CCDC174: variants seen among roughly 807,000 people sequenced by gnomAD.
CCDC174 encodes the protein coiled-coil domain-containing protein 174.
A neutral mutation model predicts 57.1 loss-of-function variants in CCDC174; 37 were observed. The observed-to-expected ratio is 0.65, with a 90% CI of 0.50 to 0.85. The LOEUF (loss-of-function observed/expected upper bound fraction) is 0.85, where lower values mean the gene tolerates loss of function less well. Ranked by LOEUF, CCDC174 falls within the 40% of genes least tolerant of loss-of-function variation. The pLI, the probability that CCDC174 is intolerant of heterozygous loss-of-function variation, is 0.00. For synonymous variants in CCDC174, 182 were observed against 190.2 expected (o/e 0.96, Z 0.35); for missense variants, 540 against 574.3 (o/e 0.94, Z 0.61).
chr3:14,665,902 G>A (rs1448609491), intron 6 of CCDC174, among the ~76,000 whole-genome samples: 1 of 151,796 alleles, frequency 6.6e-6, no homozygotes, highest in Non-Finnish European at 1.5e-5. Flanking sequence ...GCCAGGTGTG[G>A]TTGCGGCCGC....
rs1435082735 is a variant in CCDC174, at chr3:14,665,364, TG to T, written c.581+242del. On this transcript the variant is annotated intron_variant, in intron 6 of 10. Transcript: ENST00000383794. ...GAGCTGTCTCTTTTACTTGGAAGGA[TG>T]TCTGACAACAGAGTAACAGAATAAA... Among the ~76,000 whole-genome samples, 5 of 152,324 alleles carry T rather than the reference TG, an allele frequency of 3.3e-5. No homozygotes were observed. The East Asian group carries it at 9.6e-4, about 29-fold the overall frequency.
rs138580784 is a variant in CCDC174 at position 14,651,989 on chromosome 3, C to G, written c.42+111C>G. On this transcript the variant is annotated intron_variant, in intron 1 of 10. Coordinates refer to ENST00000383794, the MANE Select transcript of CCDC174 (RefSeq NM_016474.5). ...ACTCGGGGACCCAGAGACCTGACCT[C>G]TCCCCTCAAACAGGAACCCCCGAAC... is the stretch of plus-strand genomic sequence containing the variant. The G allele has an allele frequency of 6.0e-4, 643 of 1,076,318 alleles. 3 individuals are homozygous for G. The African/African-American group carries it at 8.0e-3, about 13-fold the overall frequency. The allele number at this position is 1,076,318 out of a possible 1,614,324, so 66.7% of individuals were successfully genotyped here. A position where few individuals can be genotyped will look rare whatever the true frequency, so the allele number is the denominator to read the frequency against.
chr3:14,658,876 A>T lies in CCDC174; in HGVS notation c.254A>T (p.Lys85Ile). ...EQKTLDKAREKLEEKAKLYEK... is the reference protein window; with the variant it reads ...EQKTLDKAREILEEKAKLYEK... ...TTGTATTTTTTTTCTCCTAGGGAAA[A>T]ATTGGAAGAAAAAGCCAAATTATAT... is the stretch of plus-strand genomic sequence containing the variant. The change falls in exon 4 of 11, where the codon AAA becomes ATA. Residue 85 changes from lysine (K) to isoleucine (I), a missense_variant. Lys to Ile is a moderately radical substitution (Grantham distance 102). Transcript: ENST00000383794. 1 of 1,542,036 alleles carries T rather than the reference A, an allele frequency of 6.5e-7. No individual in the cohort carries two copies. The highest frequency in any genetic ancestry group is 2.3e-5 in the East Asian group (1 of 42,776).
chr3:14,667,149 A>T, intron 7 of CCDC174: 1 of 620,902 alleles, frequency 1.6e-6, no homozygotes, highest in African/African-American at 1.8e-5. Flanking sequence ...AGGGTCTGGT[A>T]ATCCAAGGGA....
At chr3:14,665,238 TATTGATTG>T (rs3836383) in intron 6 of CCDC174, 115 bp downstream of exon 6, 2 of 643,554 alleles carry the variant, frequency 3.1e-6, no homozygotes, top group African/African-American at 1.9e-5. Context: ...AGTAAGGAGA[TATTGATTG>T]ATTGATTGAT....
chr3:14,664,057 A>G (rs959056454), intron 5 of CCDC174, among the ~76,000 whole-genome samples: 30 of 152,234 alleles, frequency 2.0e-4, no homozygotes, highest in Non-Finnish European at 3.2e-4. Context: ...TTGGGGGGAA[A>G]AAAAGGAAGA....
chr3:14,664,053 G>A (rs543602139), intron 5 of CCDC174, among the ~76,000 whole-genome samples: 1 of 148,664 alleles, frequency 6.7e-6, no homozygotes, highest in Admixed American at 6.7e-5. Flanking sequence ...CCATTTGGGG[G>A]GAAAAAAAGG....
intron 2 of CCDC174, among the ~76,000 whole-genome samples, 164 bp from the exon 3 acceptor site, chr3:14,655,365 C>T (rs1450740833): frequency 6.6e-6 from 1 of 151,030 alleles, no homozygotes; most frequent in Non-Finnish European, 1.5e-5. Flanking sequence ...TTAGCTCCTG[C>T]TTGCCATGTA....
chr3:14,652,763 G>A (rs1447323661), intron 1 of CCDC174, among the ~76,000 whole-genome samples: 1 of 152,148 alleles, frequency 6.6e-6, no homozygotes, highest in Non-Finnish European at 1.5e-5. Context: ...TTAGCCGGGC[G>A]TGGTGGTGCA....
chr3:14,655,418 AT>A, intron 2 of CCDC174, 110 bp from the exon 3 acceptor site: 2 of 630,980 alleles, frequency 3.2e-6, no homozygotes. Flanking sequence ...AGTTATCTCC[AT>A]TGATTCATAA....
intron 6 of CCDC174, 72 bp downstream of exon 6, chr3:14,665,195 G>T: frequency 9.8e-7 from 1 of 1,021,124 alleles, no homozygotes; most frequent in Non-Finnish European, 1.6e-6. Context: ...TGTGAGGGGA[G>T]GCTGTTTTAT....
chr3:14,659,681 C>G (rs1344036205), intron 4 of CCDC174, among the ~76,000 whole-genome samples: 1 of 151,838 alleles, frequency 6.6e-6, no homozygotes, highest in African/African-American at 2.4e-5. Flanking sequence ...GCCTGGGTGA[C>G]AGAGTGTGAC....
At chr3:14,667,034 A>T in intron 7 of CCDC174, 87 bp downstream of exon 7, 6 of 1,138,782 alleles carry the variant, frequency 5.3e-6, no homozygotes, top group Non-Finnish European at 7.5e-6. Flanking sequence ...ATAAAGCAAT[A>T]GCTTTTACAT....
intron 5 of CCDC174, 127 bp downstream of exon 5, chr3:14,661,834 C>G: frequency 1.3e-6 from 1 of 765,822 alleles, no homozygotes; most frequent in Non-Finnish European, 2.1e-6. Flanking sequence ...TTTGAGACTT[C>G]CCTTTAAGTT....
intron 4 of CCDC174, 107 bp downstream of exon 4, chr3:14,659,036 T>G: frequency 9.0e-7 from 1 of 1,109,742 alleles, no homozygotes; most frequent in Non-Finnish European, 1.2e-6. Flanking sequence ...AATTTAGACG[T>G]CAAAATTTTA....
chr3:14,664,922 T>C lies in CCDC174; in HGVS notation c.486-106T>C, dbSNP rs544996897. On this transcript the variant is annotated intron_variant, in intron 5 of 10. Transcript: ENST00000383794. ...TGGTCTCTGAGGTTGGGGGCTCTTC[T>C]TGGTAGTGAGGCCTATCTTCCCCCT... 2.6e-4 allele frequency: 207 copies of C among 781,804 alleles called. 2 individuals carry two copies. The Admixed American group carries it at 4.0e-3, about 15-fold the overall frequency. 48.4% of individuals were successfully genotyped at this position (781,804 alleles called of 1,614,324 possible).
chr3:14,666,719 A>G (rs937071750), intron 6 of CCDC174, 86 bp from the exon 7 acceptor site: 6 of 1,049,010 alleles, frequency 5.7e-6, no homozygotes, highest in African/African-American at 5.0e-5. Context: ...AAATAGTGTT[A>G]CTTATGCATG....
At chr3:14,664,138 C>G (rs1265981010) in intron 5 of CCDC174, among the ~76,000 whole-genome samples, 1 of 152,138 alleles carries the variant, frequency 6.6e-6, no homozygotes, top group Non-Finnish European at 1.5e-5. Context: ...AGTAAACACT[C>G]AGTTTTTAAA....
chr3:14,657,580 T>C (rs1194004303), intron 3 of CCDC174, among the ~76,000 whole-genome samples: 4 of 152,224 alleles, frequency 2.6e-5, no homozygotes, highest in Non-Finnish European at 5.9e-5. Flanking sequence ...TGTAGTCTGT[T>C]CCTAACCCCT....
Sources: allele counts gnomAD v4.1 joint callset (sites outside exome capture counted in the v4.1 genomes callset), GRCh38; gene constraint gnomAD v4.1.1; transcripts MANE v1.5; gene names NCBI Gene and HGNC (gene_info 2026-07-23, HGNC 2026-07-21).